PTPRD: variants seen among roughly 807,000 people sequenced by gnomAD.
The protein encoded by PTPRD is receptor-type tyrosine-protein phosphatase delta.
Under a neutral mutation model 214.5 loss-of-function variants are expected in PTPRD, and 34 were observed. The observed-to-expected ratio is 0.16, with a 90% CI of 0.12 to 0.21. PTPRD has a LOEUF of 0.21. Ranked by LOEUF, PTPRD falls within the 10% of genes least tolerant of loss-of-function variation. The probability of loss-of-function intolerance (pLI) is 1.00; values close to 1 mark genes in which losing one functional copy is unlikely to be tolerated. For missense variants in PTPRD, 2,545 were observed against 2,398.7 expected (o/e 1.06, Z -1.27); for synonymous variants, 1,128 against 845.7 (o/e 1.33, Z -5.79).
chr9:8,429,927 C>T (rs959719220), intron 35 of PTPRD, among the ~76,000 whole-genome samples: 1 of 152,172 alleles, frequency 6.6e-6, no homozygotes, highest in African/African-American at 2.4e-5. Flanking sequence ...ACTAACAGAG[C>T]TAGTGCTGAC....
At chr9:10,457,568 T>C (rs1449893148) in intron 2 of PTPRD, among the ~76,000 whole-genome samples, 1 of 152,030 alleles carries the variant, frequency 6.6e-6, no homozygotes, top group African/African-American at 2.4e-5. Context: ...TTGGGGCTGT[T>C]ATAGATAAAG....
At chr9:9,294,710 G>C (rs976809004) in intron 9 of PTPRD, among the ~76,000 whole-genome samples, 6 of 151,552 alleles carry the variant, frequency 4.0e-5, no homozygotes, top group Non-Finnish European at 7.4e-5. Context: ...CTGACACCCT[G>C]ATCTTAGACT....
intron 11 of PTPRD, among the ~76,000 whole-genome samples, chr9:8,796,341 G>C (rs2096421461): frequency 6.6e-6 from 1 of 152,160 alleles, no homozygotes; most frequent in African/African-American, 2.4e-5. Context: ...ATAGGGGCTA[G>C]TGGAAGCCTG....
chr9:9,016,015 A>G (rs1481591146), intron 11 of PTPRD, among the ~76,000 whole-genome samples: 1 of 152,066 alleles, frequency 6.6e-6, no homozygotes, highest in Non-Finnish European at 1.5e-5. Flanking sequence ...AGGCAGCAGG[A>G]CTTGAGGAAT....
chr9:9,048,533 T>C (rs780950378), intron 10 of PTPRD, among the ~76,000 whole-genome samples: 1 of 152,158 alleles, frequency 6.6e-6, no homozygotes. Context: ...ATTATTATGA[T>C]ACATGAAATA....
intron 4 of PTPRD, among the ~76,000 whole-genome samples, chr9:9,957,320 T>C (rs1243068659): frequency 6.6e-6 from 1 of 152,098 alleles, no homozygotes; most frequent in African/African-American, 2.4e-5. Context: ...ATGTACAACC[T>C]AAAATTACAA....
Position 8,521,150 on chromosome 9 carries a change from G to A in PTPRD, c.961+127C>T, listed in dbSNP as rs916819385. 5 of 1,125,422 alleles carry A rather than the reference G, an allele frequency of 4.4e-6. No individual in the cohort carries two copies. The South Asian group carries it at 8.1e-5, about 18-fold the overall frequency. 69.7% of individuals were successfully genotyped at this position (1,125,422 alleles called of 1,614,324 possible). On this transcript the variant is annotated intron_variant, in intron 20 of 45. Transcript: ENST00000381196. ...TTATATAATACCACAGATATGATTAGGTTATACACACATTTAAAATGCTGA... is the reference window on the plus strand; with the variant it reads ...TTATATAATACCACAGATATGATTAAGTTATACACACATTTAAAATGCTGA...
rs944306043 is a variant in PTPRD at position 8,679,747 on chromosome 9, T to C, written c.65-42903A>G. 9.9e-5 allele frequency among the ~76,000 whole-genome samples: 15 copies of C among 152,220 alleles called. 1 individual carries two copies. Among genetic ancestry groups the C allele is most frequent in the Non-Finnish European group, 1.8e-4 (12 of 68,034 alleles). ...GAGACCACTGCCAAAGAAAGCTTTG[T>C]TCTCCATTCCCTCTGTGTTCCTGCC... On this transcript the variant is annotated intron_variant, in intron 12 of 45. Coordinates refer to ENST00000381196, the MANE Select transcript of PTPRD (RefSeq NM_002839.4).
intron 5 of PTPRD, among the ~76,000 whole-genome samples, chr9:9,856,388 G>T (rs968765875): frequency 2.6e-5 from 4 of 152,084 alleles, no homozygotes; most frequent in African/African-American, 9.7e-5. Context: ...TGAGGGTAGG[G>T]CTTCACCAGG....
intron 7 of PTPRD, among the ~76,000 whole-genome samples, chr9:9,617,810 T>C (rs1435690341): frequency 2.0e-5 from 3 of 151,800 alleles, no homozygotes; most frequent in African/African-American, 7.3e-5. Flanking sequence ...CGGTGGCTCA[T>C]GTCTGTAATC....
intron 11 of PTPRD, among the ~76,000 whole-genome samples, chr9:8,928,970 A>G (rs942755886): frequency 6.6e-6 from 1 of 152,020 alleles, no homozygotes; most frequent in Non-Finnish European, 1.5e-5. Context: ...ATGAGAGTTC[A>G]CTCATGATTT....
intron 9 of PTPRD, among the ~76,000 whole-genome samples, chr9:9,377,676 T>C (rs1006360360): frequency 6.6e-6 from 1 of 151,972 alleles, no homozygotes; most frequent in African/African-American, 2.4e-5. Context: ...CCTTCAGACA[T>C]TGACTACAAA....
intron 2 of PTPRD, among the ~76,000 whole-genome samples, chr9:10,439,280 G>T (rs1379130565): frequency 1.3e-5 from 2 of 151,772 alleles, no homozygotes; most frequent in Admixed American, 6.6e-5. Flanking sequence ...GGGAGAAAAA[G>T]GATGCCCCAA....
chr9:8,506,336 T>A (rs149395599), intron 22 of PTPRD, among the ~76,000 whole-genome samples: 2 of 152,202 alleles, frequency 1.3e-5, no homozygotes, highest in Non-Finnish European at 2.9e-5. Flanking sequence ...ACTCCTTTTG[T>A]CCTAATGTTC....
intron 11 of PTPRD, among the ~76,000 whole-genome samples, chr9:8,951,136 A>AGTGTGTGT (rs1184518253): frequency 6.7e-5 from 1 of 14,834 alleles, no homozygotes; most frequent in African/African-American, 1.2e-4. Context: ...TTTAGGAAAA[A>AGTGTGTGT]GAGTGTGTGT....
intron 8 of PTPRD, among the ~76,000 whole-genome samples, chr9:9,497,712 C>T (rs1000964938): frequency 2.6e-5 from 4 of 152,040 alleles, no homozygotes; most frequent in East Asian, 1.9e-4. Context: ...CACCTTTATG[C>T]CTCCACCACT....
At chr9:9,842,694 C>G (rs1236173134) in intron 5 of PTPRD, among the ~76,000 whole-genome samples, 1 of 151,178 alleles carries the variant, frequency 6.6e-6, no homozygotes, top group Non-Finnish European at 1.5e-5. Context: ...TCTTTTCCCC[C>G]CAGATCATTG....
chr9:8,521,562 A>G lies in PTPRD; in HGVS notation c.692-16T>C, dbSNP rs559147546. 60 of 1,610,604 alleles carry G rather than the reference A, an allele frequency of 3.7e-5. No individual in the cohort carries two copies. In the South Asian group the frequency reaches 6.3e-4, roughly 17 times the overall value. The stretch of plus-strand genomic sequence containing the variant: ...ACACGGCGAACTGGAACAAAACACA[A>G]GGGAAATGATAACATATACAAGGCA... On this transcript the variant is annotated splice_polypyrimidine_tract_variant and intron_variant, in intron 19 of 45. Coordinates refer to ENST00000381196, the MANE Select transcript of PTPRD (RefSeq NM_002839.4).
intron 3 of PTPRD, among the ~76,000 whole-genome samples, chr9:10,077,962 A>G (rs10511531): frequency 0.22 from 33,819 of 151,930 alleles, 4,008 homozygotes; most frequent in South Asian, 0.31. Context: ...TGGACACCAC[A>G]TTCATATTTG....
Sources: allele counts gnomAD v4.1 joint callset (sites outside exome capture counted in the v4.1 genomes callset), GRCh38; gene constraint gnomAD v4.1.1; transcripts MANE v1.5; gene names NCBI Gene and HGNC (gene_info 2026-07-23, HGNC 2026-07-21).